NDUFV1: variants seen among roughly 807,000 people sequenced by gnomAD.
The protein encoded by NDUFV1 is NADH:ubiquinone oxidoreductase core subunit V1.
A neutral mutation model predicts 48.7 loss-of-function variants in NDUFV1; 41 were observed. The ratio of observed to expected loss-of-function variants is 0.84; its 90% CI spans 0.66 to 1.09. The LOEUF is 1.09. Ranked by LOEUF, NDUFV1 falls within the 50% of genes least tolerant of loss-of-function variation. The pLI is 0.00. For missense variants in NDUFV1, 580 were observed against 645.4 expected, an observed-to-expected ratio of 0.90 and a Z score of 1.10; for synonymous variants, 231 against 259.1, an observed-to-expected ratio of 0.89 and a Z score of 1.04.
chr11:67,612,191 C>T lies in NDUFV1; in HGVS notation c.1234C>T (p.Leu412=), dbSNP rs1854932441. 2 of 1,613,622 alleles carry T rather than the reference C, an allele frequency of 1.2e-6. No homozygotes were observed. The highest frequency in any genetic ancestry group is 1.3e-5 in the African/African-American group (1 of 74,824). ...TGCCCGGCCGGCCGAGATCGACTCC[C>T]TGTGGGAGATCAGCAAGCAGATAGA... ...GDARPAEIDS[L]WEISKQIEGH... Residue 412 remains leucine (L), a synonymous_variant, in exon 9 of 10, where the codon CTG becomes TTG. Transcript: ENST00000322776. The surrounding 1 kb of genome is among the most constrained non-coding windows in gnomAD (Gnocchi z 4.4).
In NDUFV1 at chr11:67,609,564, C is replaced by T. The variant is rs766746294; in HGVS notation, c.439C>T (p.Arg147Trp). The change falls in exon 4 of 10, where the codon CGG (arginine) becomes TGG (tryptophan). Residue 147 changes from arginine to tryptophan, a missense_variant. By Grantham distance (101) the Arg-to-Trp change is moderately radical. Coordinates refer to ENST00000322776, the MANE Select transcript of NDUFV1 (RefSeq NM_007103.4). ...GCTGGAAGGCTGCCTGGTGGGGGGC[C>T]GGGCCATGGGCGCCCGCGCTGCCTA... ...KLLEGCLVGG[R>W]AMGARAAYIY... 29 of 1,612,704 alleles carry T rather than the reference C, an allele frequency of 1.8e-5. No individual in the cohort carries two copies. Among genetic ancestry groups the T allele is most frequent in the Middle Eastern group, 1.6e-4 (1 of 6,084 alleles).
At chr11:67,610,738 C>T (rs1298056062) in intron 5 of NDUFV1, 168 bp downstream of exon 5, 7 of 950,558 alleles carry the variant, frequency 7.4e-6, no homozygotes, top group Non-Finnish European at 1.1e-5. Flanking sequence ...CCTGCTGTCC[C>T]TCCTCCTGCC....
At position 67,611,814 on chromosome 11, in the gene NDUFV1, TG is replaced by T. The variant is rs1854921334; in HGVS notation, c.1081-78del. ...GTGGGCTGGGAAGAGCTTCTGGAAC[TG>T]GGGGAGGGGCTGCTGCTAGGGGGCT... On this transcript the variant is annotated intron_variant, in intron 7 of 9. Coordinates refer to ENST00000322776, the MANE Select transcript of NDUFV1 (RefSeq NM_007103.4). This position sits in a 1 kb window ranked among gnomAD's most constrained non-coding sequence, Gnocchi z 4.2. 2 of 1,551,556 alleles carry T rather than the reference TG, an allele frequency of 1.3e-6. No homozygotes were observed. The highest frequency in any genetic ancestry group is 8.9e-7 in the Non-Finnish European group (1 of 1,126,736).
Position 67,609,480 on chromosome 11 carries a change from G to T in NDUFV1, c.355G>T (p.Glu119Ter). The T allele has an allele frequency of 6.2e-7, 1 of 1,613,694 alleles. No individual in the cohort carries two copies. ...CAAGTATCTGGTGGTGAACGCAGAC[G>T]AGGGGGAGCCGGGCACCTGCAAGGA... ...RPKYLVVNAD[E>*]GEPGTCKDRE... is the part of the protein sequence containing the mutation. Residue 119 changes from glutamate to a stop codon, truncating the protein, a stop_gained, in exon 4 of 10, where the codon GAG becomes TAG. Transcript: ENST00000322776. LOFTEE classifies it high-confidence loss of function.
intron 5 of NDUFV1, 106 bp from the exon 6 acceptor site, chr11:67,610,889 A>G (rs1417818039): frequency 9.2e-7 from 1 of 1,092,358 alleles, no homozygotes; most frequent in East Asian, 2.4e-5. Flanking sequence ...AGGGGATATT[A>G]GAGCAGGGGC....
At position 67,607,055 on chromosome 11, in the gene NDUFV1, T is replaced by C. The variant is rs1854818452; in HGVS notation, c.51T>C (p.Ser17=). 1 of 1,608,662 alleles carries C rather than the reference T, an allele frequency of 6.2e-7. No individual in the cohort carries two copies. The highest frequency in any genetic ancestry group is 1.7e-5 in the Admixed American group (1 of 59,820). Residue 17 remains serine (S), a synonymous_variant, in exon 1 of 10, where the codon TCT becomes TCC. Coordinates refer to ENST00000322776, the MANE Select transcript of NDUFV1 (RefSeq NM_007103.4). The part of the protein sequence containing the change: ...LLGWSLPARV[S]VRFSGDTTAP... ...GCTGGTCGCTTCCCGCGCGGGTATC[T>C]GTGCGTTTCAGCGGCGACACGGTGA...
chr11:67,610,218 A>G (rs1447691912), intron 4 of NDUFV1, 163 bp from the exon 5 acceptor site: 4 of 697,264 alleles, frequency 5.7e-6, no homozygotes, highest in Non-Finnish European at 9.9e-6. Flanking sequence ...TCCAGATCAT[A>G]GTCAAGTTTT....
At position 67,606,961 on chromosome 11, in the gene NDUFV1, G is replaced by T; in HGVS notation, c.-44G>T. The T allele has an allele frequency of 6.3e-7, 1 of 1,591,942 alleles. No homozygotes were observed. The highest frequency in any genetic ancestry group is 8.6e-7 in the Non-Finnish European group (1 of 1,169,196). The stretch of plus-strand genomic sequence containing the variant: ...ATCGCGCCAGTTCCTCAGCCTCAGT[G>T]CTATGAAGGTGACAGCGTGAGGTGA... On this transcript the variant is annotated 5_prime_UTR_variant, in exon 1 of 10. Coordinates refer to ENST00000322776, the MANE Select transcript of NDUFV1 (RefSeq NM_007103.4).
At position 67,610,981 on chromosome 11, in the gene NDUFV1, C is replaced by A. The variant is rs1162617546; in HGVS notation, c.701-14C>A. 6.2e-7 allele frequency: 1 copy of A among 1,614,026 alleles called. No homozygotes were observed. The highest frequency in any genetic ancestry group is 1.3e-5 in the African/African-American group (1 of 75,052). ...CCCCTAGCAGCCACCAGTTCTCTTC[C>A]CATTTCCCTGAAGGAGTGTTTGGCT... On this transcript the variant is annotated splice_polypyrimidine_tract_variant and intron_variant, in intron 5 of 9. Coordinates refer to ENST00000322776, the MANE Select transcript of NDUFV1 (RefSeq NM_007103.4).
chr11:67,610,015 G>A, intron 4 of NDUFV1: 1 of 349,778 alleles, frequency 2.9e-6, no homozygotes, highest in Admixed American at 4.5e-5. Flanking sequence ...ACTTATATCT[G>A]TAGGAAATAT....
chr11:67,611,578 T>A lies in NDUFV1; in HGVS notation c.1080+9T>A, dbSNP rs1322011176. On this transcript the variant is annotated intron_variant, in intron 7 of 9. Coordinates refer to ENST00000322776, the MANE Select transcript of NDUFV1 (RefSeq NM_007103.4). This position sits in a 1 kb window ranked among gnomAD's most constrained non-coding sequence, Gnocchi z 4.2. Reference sequence around the variant, plus strand: ...TCGTCATGGACCGCTCGGTAAGGGTTCACACACCAGCCCTGGTCCCTGCCC... The same window carrying A: ...TCGTCATGGACCGCTCGGTAAGGGTACACACACCAGCCCTGGTCCCTGCCC... The A allele has an allele frequency of 2.1e-5, 34 of 1,598,148 alleles. 1 individual carries two copies. The highest frequency in any genetic ancestry group is 2.8e-5 in the Non-Finnish European group (33 of 1,172,350).
In NDUFV1 at chr11:67,608,384, T is replaced by C; in HGVS notation, c.73-12T>C. The C allele has an allele frequency of 2.5e-6, 4 of 1,612,746 alleles. No homozygotes were observed. The highest frequency in any genetic ancestry group is 1.7e-6 in the Non-Finnish European group (2 of 1,178,824). ...AGAGCACTCTGGGCCTCCTGACCCT[T>C]TGTCTCCCTAGACAGCACCCAAGAA... On this transcript the variant is annotated splice_polypyrimidine_tract_variant and intron_variant, in intron 1 of 9. Transcript: ENST00000322776.
intron 5 of NDUFV1, 161 bp from the exon 6 acceptor site, chr11:67,610,834 A>G: frequency 1.3e-6 from 1 of 787,876 alleles, no homozygotes; most frequent in Non-Finnish European, 2.1e-6. Context: ...GAACAAGGCA[A>G]TGGGCATCTC....
At chr11:67,607,807 T>A (rs1259243486) in intron 1 of NDUFV1, among the ~76,000 whole-genome samples, 1 of 152,144 alleles carries the variant, frequency 6.6e-6, no homozygotes, top group Non-Finnish European at 1.5e-5. Context: ...TTCCATAAGC[T>A]CCTTTTGCTC....
intron 1 of NDUFV1, 110 bp from the exon 2 acceptor site, chr11:67,608,286 A>C: frequency 9.7e-7 from 1 of 1,027,604 alleles, no homozygotes. Context: ...ATGCTTCCCT[A>C]GCCCTAGCCC....
rs750831299 is a variant in NDUFV1 at position 67,609,490 on chromosome 11, C to T, written c.365C>T (p.Pro122Leu). 2.5e-5 allele frequency: 41 copies of T among 1,613,576 alleles called. No homozygotes were observed. Among genetic ancestry groups the T allele is most frequent in the Admixed American group, 5.0e-5 (3 of 59,998 alleles). ...YLVVNADEGE[P>L]GTCKDREILR... ...GTGGTGAACGCAGACGAGGGGGAGCCGGGCACCTGCAAGGACCGGGAGATC... is the reference window on the plus strand; with the variant it reads ...GTGGTGAACGCAGACGAGGGGGAGCTGGGCACCTGCAAGGACCGGGAGATC... The change falls in exon 4 of 10, where the codon CCG becomes CTG. Residue 122 changes from proline (P) to leucine (L), a missense_variant. By Grantham distance (98) the Pro-to-Leu change is moderately conservative (BLOSUM62 -3). Transcript: ENST00000322776.
rs921761379 is a variant in NDUFV1 at position 67,611,548 on chromosome 11, G to A, written c.1059G>A (p.Ala353=). Residue 353 remains alanine, a synonymous_variant, in exon 7 of 10, where the codon GCG becomes GCA. Transcript: ENST00000322776. The surrounding 1 kb of genome is among the most constrained non-coding windows in gnomAD (Gnocchi z 4.2). Reference sequence around the variant, plus strand: ...CACAGACAGGCCTGGGCACAGCTGCGGTGATCGTCATGGACCGCTCGGTAA... The same window carrying A: ...CACAGACAGGCCTGGGCACAGCTGCAGTGATCGTCATGGACCGCTCGGTAA... The part of the protein sequence containing the change: ...VQAQTGLGTA[A]VIVMDRSTDI... 5.0e-6 allele frequency: 8 copies of A among 1,609,012 alleles called. No homozygotes were observed. Among genetic ancestry groups the A allele is most frequent in the Admixed American group, 1.7e-5 (1 of 59,038 alleles).
At chr11:67,607,848 A>G (rs1330749520) in intron 1 of NDUFV1, among the ~76,000 whole-genome samples, 1 of 152,218 alleles carries the variant, frequency 6.6e-6, no homozygotes, top group Non-Finnish European at 1.5e-5. Flanking sequence ...TGTGAAACAG[A>G]GAAAATCGTT....
Position 67,610,411 on chromosome 11 carries a change from C to G in NDUFV1, c.541C>G (p.Leu181Val), listed in dbSNP as rs1413172141. 1.2e-6 allele frequency: 2 copies of G among 1,614,144 alleles called. No homozygotes were observed. The highest frequency in any genetic ancestry group is 1.7e-6 in the Non-Finnish European group (2 of 1,180,026). ...VAIREAYEAG[L>V]IGKNACGSGY... ...CATCCGAGAGGCCTATGAGGCAGGTCTGATTGGCAAGAATGCTTGTGGCTC... is the reference window on the plus strand; with the variant it reads ...CATCCGAGAGGCCTATGAGGCAGGTGTGATTGGCAAGAATGCTTGTGGCTC... Residue 181 changes from leucine to valine, a missense_variant, in exon 5 of 10, where the codon CTG becomes GTG. By Grantham distance (32) the Leu-to-Val change is conservative (BLOSUM62 1). Transcript: ENST00000322776.
Sources: gnomAD v4.1 joint callset for allele counts (sites outside exome capture counted in the v4.1 genomes callset) on GRCh38, gnomAD v4.1.1 for gene constraint, Gnocchi (gnomAD v3.1) non-coding constraint, MANE v1.5 for transcripts, NCBI Gene and HGNC (gene_info 2026-07-23, HGNC 2026-07-21) for gene names.